KCTD8: variants seen among roughly 807,000 people sequenced by gnomAD.
KCTD8 encodes the protein BTB/POZ domain-containing protein KCTD8.
Under a neutral mutation model 31.5 loss-of-function variants are expected in KCTD8, and 27 were observed. The ratio of observed to expected loss-of-function variants is 0.86; its 90% confidence interval spans 0.63 to 1.18. The LOEUF is 1.18. Among genes scored for constraint, KCTD8 ranks in the 50% most tolerant of loss-of-function variants. The pLI is 0.00. For missense variants in KCTD8, 658 were observed against 647.7 expected (o/e 1.02, Z -0.17); for synonymous variants, 290 against 280.0 (o/e 1.04, Z -0.36).
intron 1 of KCTD8, among the ~76,000 whole-genome samples, chr4:44,319,760 C>T (rs1718239704): frequency 6.6e-6 from 1 of 151,990 alleles, no homozygotes; most frequent in South Asian, 2.1e-4. Context: ...AATCTCAATA[C>T]CAAAAAGTAA....
intron 1 of KCTD8, among the ~76,000 whole-genome samples, chr4:44,190,071 A>C (rs1390858635): frequency 1.3e-5 from 2 of 152,180 alleles, no homozygotes; most frequent in Non-Finnish European, 2.9e-5. Context: ...ATCAACTGTA[A>C]TAACCTTCTA....
chr4:44,224,893 G>A (rs1714909668), intron 1 of KCTD8, among the ~76,000 whole-genome samples: 1 of 14,082 alleles, frequency 7.1e-5, no homozygotes, highest in African/African-American at 3.8e-4. Flanking sequence ...AGGTACTGGA[G>A]AAGGAGACAT....
intron 1 of KCTD8, among the ~76,000 whole-genome samples, chr4:44,306,152 G>T (rs1338329067): frequency 6.6e-6 from 1 of 151,764 alleles, no homozygotes; most frequent in Admixed American, 6.6e-5. Context: ...GGAAGTGGAA[G>T]AAATGAAATA....
intron 1 of KCTD8, among the ~76,000 whole-genome samples, chr4:44,434,770 C>T (rs932763489): frequency 3.9e-5 from 6 of 151,950 alleles, no homozygotes; most frequent in African/African-American, 1.4e-4. Flanking sequence ...CAAGACTTTA[C>T]TCCATAGGGA....
intron 1 of KCTD8, among the ~76,000 whole-genome samples, chr4:44,237,884 C>A (rs1715338513): frequency 6.6e-6 from 1 of 152,118 alleles, no homozygotes; most frequent in Non-Finnish European, 1.5e-5. Context: ...ACCAGTGACA[C>A]AGCTGAGGTT....
chr4:44,357,371 T>C (rs1391478675), intron 1 of KCTD8, among the ~76,000 whole-genome samples: 1 of 152,188 alleles, frequency 6.6e-6, no homozygotes, highest in Non-Finnish European at 1.5e-5. Flanking sequence ...GAAAAAGTAA[T>C]AAATATTTGA....
intron 1 of KCTD8, among the ~76,000 whole-genome samples, chr4:44,209,647 T>C (rs913965181): frequency 2.0e-5 from 3 of 152,112 alleles, no homozygotes; most frequent in African/African-American, 7.2e-5. Context: ...ATTGAGCTTG[T>C]TCTACTTGCT....
intron 1 of KCTD8, among the ~76,000 whole-genome samples, chr4:44,317,084 AT>A (rs1460940019): frequency 6.6e-6 from 1 of 151,316 alleles, no homozygotes; most frequent in Non-Finnish European, 1.5e-5. Flanking sequence ...AGAAGGAATC[AT>A]TTTACTGCTG....
chr4:44,402,841 T>C (rs546031349), intron 1 of KCTD8, among the ~76,000 whole-genome samples: 1 of 152,300 alleles, frequency 6.6e-6, no homozygotes, highest in South Asian at 2.1e-4. Context: ...AGTAATTCCA[T>C]TATGTGAGCC....
intron 1 of KCTD8, among the ~76,000 whole-genome samples, chr4:44,299,900 C>T (rs1423702057): frequency 3.3e-5 from 5 of 151,562 alleles, no homozygotes; most frequent in East Asian, 4.0e-4. Flanking sequence ...TACAGGCACC[C>T]GCCACCACGC....
chr4:44,272,383 C>T (rs955488837), intron 1 of KCTD8, among the ~76,000 whole-genome samples: 12 of 151,776 alleles, frequency 7.9e-5, no homozygotes, highest in Non-Finnish European at 1.8e-4. Context: ...GGAATCCGCA[C>T]AGACTTGTCC....
At chr4:44,401,011 C>CTT (rs59602420) in intron 1 of KCTD8, among the ~76,000 whole-genome samples, 2,378 of 95,936 alleles carry the variant, frequency 0.025, 120 homozygotes, top group African/African-American at 0.069. Flanking sequence ...AATTTTCTTT[C>CTT]TTTTTTTTTT....
intron 1 of KCTD8, among the ~76,000 whole-genome samples, chr4:44,180,614 C>A (rs1392443724): frequency 6.6e-6 from 1 of 151,972 alleles, no homozygotes; most frequent in Admixed American, 6.5e-5. Flanking sequence ...CACACACACA[C>A]ACACACTTAG....
intron 1 of KCTD8, among the ~76,000 whole-genome samples, chr4:44,436,775 T>G (rs577295941): frequency 6.6e-6 from 1 of 152,194 alleles, no homozygotes; most frequent in South Asian, 2.1e-4. Context: ...GTTTAAATTT[T>G]CATACTAGAA....
intron 1 of KCTD8, among the ~76,000 whole-genome samples, chr4:44,220,962 A>G (rs1395719956): frequency 6.6e-6 from 1 of 152,198 alleles, no homozygotes; most frequent in Non-Finnish European, 1.5e-5. Context: ...AAGAATCAAT[A>G]CTTTACTATA....
At chr4:44,302,421 A>C (rs1212495973) in intron 1 of KCTD8, among the ~76,000 whole-genome samples, 1 of 152,118 alleles carries the variant, frequency 6.6e-6, no homozygotes, top group African/African-American at 2.4e-5. Flanking sequence ...TTCTCCTTGA[A>C]GAGGTCCTTC....
intron 1 of KCTD8, among the ~76,000 whole-genome samples, chr4:44,434,898 T>C (rs1278729927): frequency 1.3e-5 from 2 of 151,896 alleles, no homozygotes; most frequent in Non-Finnish European, 2.9e-5. Flanking sequence ...ATTGCTGTCA[T>C]TCATGGGATT....
intron 1 of KCTD8, among the ~76,000 whole-genome samples, chr4:44,260,123 G>A (rs902072691): frequency 1.3e-5 from 2 of 150,586 alleles, no homozygotes; most frequent in African/African-American, 4.9e-5. Context: ...ACATCAAATG[G>A]AAGTATTTTA....
intron 1 of KCTD8, among the ~76,000 whole-genome samples, chr4:44,329,463 G>A (rs1718537764): frequency 6.6e-6 from 1 of 151,538 alleles, no homozygotes; most frequent in Admixed American, 6.6e-5. Flanking sequence ...TTTTTTAAAG[G>A]GTCCCTCTGT....
Sources: gnomAD v4.1 joint callset for allele counts (sites outside exome capture counted in the v4.1 genomes callset) on GRCh38, gnomAD v4.1.1 for gene constraint, MANE v1.5 for transcripts, NCBI Gene and HGNC (gene_info 2026-07-23, HGNC 2026-07-21) for gene names.